MCTP1: variants seen among roughly 807,000 people sequenced by gnomAD.
MCTP1 encodes the protein multiple C2 and transmembrane domain-containing protein 1.
Under a neutral mutation model 120.6 loss-of-function variants are expected in MCTP1, and 69 were observed. The observed-to-expected ratio is 0.57, with a 90% confidence interval of 0.47 to 0.70. MCTP1 has a LOEUF of 0.70. Ranked by LOEUF, MCTP1 falls within the 30% of genes least tolerant of loss-of-function variation. MCTP1 has a pLI of 0.00. For missense variants in MCTP1, 1,203 were observed against 1,248.8 expected (o/e 0.96, Z 0.55); for synonymous variants, 529 against 493.1 (o/e 1.07, Z -0.96).
At chr5:94,841,040 C>T (rs1390879440) in intron 17 of MCTP1, among the ~76,000 whole-genome samples, 2 of 152,188 alleles carry the variant, frequency 1.3e-5, no homozygotes, top group African/African-American at 4.8e-5. Flanking sequence ...ATGTGGGCAG[C>T]ATCTTTGACA....
rs533387316 is a variant in MCTP1 at position 94,864,287 on chromosome 5, TGAG to T, written c.2436+4043_2436+4045del. 1.4e-3 allele frequency among the ~76,000 whole-genome samples: 208 copies of T among 152,042 alleles called. 1 individual carries two copies. Among genetic ancestry groups the T allele is most frequent in the Non-Finnish European group, 2.2e-3 (152 of 67,910 alleles). Reference sequence around the variant, plus strand: ...GCCGTTTTTGGAACACAAGGTACTTTGAGGAGTTGACATCCCTTCATAATTCAT... The same window carrying T: ...GCCGTTTTTGGAACACAAGGTACTTTGAGTTGACATCCCTTCATAATTCAT... On this transcript the variant is annotated intron_variant, in intron 17 of 22. Transcript: ENST00000515393.
chr5:95,178,291 A>G (rs1276648908), intron 1 of MCTP1, among the ~76,000 whole-genome samples: 1 of 152,156 alleles, frequency 6.6e-6, no homozygotes, highest in Non-Finnish European at 1.5e-5. Context: ...CAAAGAACAT[A>G]ATCTCTTGGG....
intron 1 of MCTP1, among the ~76,000 whole-genome samples, chr5:95,103,611 C>G (rs1255819549): frequency 6.6e-6 from 1 of 152,178 alleles, no homozygotes; most frequent in Non-Finnish European, 1.5e-5. Context: ...GGAAAGCAAT[C>G]AAAATGTACA....
intron 1 of MCTP1, among the ~76,000 whole-genome samples, chr5:95,194,997 G>T (rs1180269984): frequency 1.3e-5 from 2 of 152,170 alleles, no homozygotes; most frequent in Non-Finnish European, 2.9e-5. Flanking sequence ...AAATACAAAG[G>T]CAGGTTGGTT....
At chr5:95,208,792 CTA>C (rs2152564074) in intron 1 of MCTP1, among the ~76,000 whole-genome samples, 1 of 152,054 alleles carries the variant, frequency 6.6e-6, no homozygotes, top group African/African-American at 2.4e-5. Context: ...TTTCAATGGA[CTA>C]TTCTTGCTTA....
chr5:94,819,078 AATTTATTTATTT>A (rs10526286), intron 17 of MCTP1, among the ~76,000 whole-genome samples: 26,661 of 139,996 alleles, frequency 0.19, 3,411 homozygotes, highest in East Asian at 0.57. Context: ...AACTACTTCA[AATTTATTTATTT>A]ATTTATTTAT....
intron 1 of MCTP1, among the ~76,000 whole-genome samples, chr5:95,111,845 T>C (rs1757478108): frequency 1.3e-5 from 2 of 152,170 alleles, no homozygotes; most frequent in Non-Finnish European, 2.9e-5. Context: ...TATTTTTCTC[T>C]GATGGATGTA....
intron 19 of MCTP1, among the ~76,000 whole-genome samples, chr5:94,715,889 C>CA (rs1759064684): frequency 6.6e-6 from 1 of 152,170 alleles, no homozygotes; most frequent in South Asian, 2.1e-4. Context: ...CACACTATGC[C>CA]AGAACACTTG....
At chr5:95,159,371 T>C (rs1430403918) in intron 1 of MCTP1, among the ~76,000 whole-genome samples, 1 of 152,254 alleles carries the variant, frequency 6.6e-6, no homozygotes, top group African/African-American at 2.4e-5. Context: ...CATTCATTTA[T>C]TCTTACATCC....
At chr5:94,987,973 A>G (rs1830723233) in intron 2 of MCTP1, among the ~76,000 whole-genome samples, 1 of 152,186 alleles carries the variant, frequency 6.6e-6, no homozygotes, top group Admixed American at 6.5e-5. Flanking sequence ...TAGAAAGCTG[A>G]AATAAACTTA....
chr5:95,267,139 A>G (rs2152726672), intron 1 of MCTP1, among the ~76,000 whole-genome samples: 1 of 152,298 alleles, frequency 6.6e-6, no homozygotes, highest in East Asian at 1.9e-4. Flanking sequence ...AATCCCCTTT[A>G]CCATGCTTTA....
intron 17 of MCTP1, among the ~76,000 whole-genome samples, chr5:94,833,166 CA>C (rs1788950996): frequency 6.6e-6 from 1 of 151,790 alleles, no homozygotes; most frequent in Non-Finnish European, 1.5e-5. Flanking sequence ...TCAGCTATAC[CA>C]GAACTTATTG....
At chr5:94,777,236 T>C (rs1222748030) in intron 19 of MCTP1, among the ~76,000 whole-genome samples, 1 of 152,092 alleles carries the variant, frequency 6.6e-6, no homozygotes, top group Admixed American at 6.6e-5. Flanking sequence ...GATCTGAAAA[T>C]GTGTTAGAAG....
At chr5:95,131,548 G>C (rs1286787940) in intron 1 of MCTP1, among the ~76,000 whole-genome samples, 1 of 152,074 alleles carries the variant, frequency 6.6e-6, no homozygotes, top group Non-Finnish European at 1.5e-5. Flanking sequence ...ATGATATTAG[G>C]TGCATAAGTC....
At chr5:95,256,626 G>A (rs1179855175) in intron 1 of MCTP1, among the ~76,000 whole-genome samples, 1 of 152,146 alleles carries the variant, frequency 6.6e-6, no homozygotes, top group Non-Finnish European at 1.5e-5. Context: ...CCACAGCTGT[G>A]TAACCAATTC....
At chr5:94,928,249 A>G (rs1324968175) in intron 6 of MCTP1, among the ~76,000 whole-genome samples, 1 of 121,010 alleles carries the variant, frequency 8.3e-6, no homozygotes, top group African/African-American at 3.1e-5. Context: ...CACACGATGT[A>G]ATGTAAAACC....
intron 2 of MCTP1, among the ~76,000 whole-genome samples, chr5:95,000,033 T>C (rs1357418593): frequency 6.6e-6 from 1 of 152,204 alleles, no homozygotes; most frequent in Non-Finnish European, 1.5e-5. Context: ...AGTACAATCA[T>C]GCACCACATA....
At chr5:94,823,456 A>G (rs1417258682) in intron 17 of MCTP1, among the ~76,000 whole-genome samples, 2 of 152,170 alleles carry the variant, frequency 1.3e-5, no homozygotes, top group Non-Finnish European at 2.9e-5. Context: ...GCCTTGTAGT[A>G]TAGTTTGAAG....
At chr5:94,948,241 C>G (rs1561905962) in intron 3 of MCTP1, among the ~76,000 whole-genome samples, 2 of 152,106 alleles carry the variant, frequency 1.3e-5, no homozygotes, top group Non-Finnish European at 2.9e-5. Flanking sequence ...TGTACCCATA[C>G]AAAAGAGACG....
Sources: allele counts gnomAD v4.1 joint callset (sites outside exome capture counted in the v4.1 genomes callset), GRCh38; gene constraint gnomAD v4.1.1; transcripts MANE v1.5; gene names NCBI Gene and HGNC (gene_info 2026-07-23, HGNC 2026-07-21).